Variants in PVT1 observed in about 807,000 individuals in gnomAD.
PVT1 encodes CXCR4/PVT1 fusion.
At chr8:127,982,016 G>A (rs757790650) in intron 3 of PVT1, among the ~76,000 whole-genome samples, 13 of 152,178 alleles carry the variant, frequency 8.5e-5, no homozygotes, top group Admixed American at 3.9e-4. Context: ...AGTCTCTGGC[G>A]CTAGACTTCC....
intron 4 of PVT1, among the ~76,000 whole-genome samples, chr8:128,047,851 C>T (rs1813638686): frequency 1.3e-5 from 2 of 152,090 alleles, no homozygotes; most frequent in African/African-American, 2.4e-5. Flanking sequence ...CAAAACTTCA[C>T]ATCATATATT....
chr8:127,852,539 G>A (rs1273623269), intron 2 of PVT1, among the ~76,000 whole-genome samples: 2 of 152,200 alleles, frequency 1.3e-5, no homozygotes, highest in Admixed American at 1.3e-4. Flanking sequence ...GCATCCTCTT[G>A]TGTGAAATAG....
chr8:127,847,716 C>T (rs934316754), intron 2 of PVT1, among the ~76,000 whole-genome samples: 1 of 151,820 alleles, frequency 6.6e-6, no homozygotes, highest in Non-Finnish European at 1.5e-5. Context: ...CAATGTGGAG[C>T]GGGGAGTATG....
intron 2 of PVT1, among the ~76,000 whole-genome samples, chr8:127,884,778 A>T (rs997097926): frequency 7.9e-5 from 12 of 152,238 alleles, no homozygotes; most frequent in African/African-American, 2.9e-4. Context: ...CCGGTGTACA[A>T]TGCCACACAT....
At chr8:127,932,586 T>C (rs765168854) in intron 3 of PVT1, 6 of 398,604 alleles carry the variant, frequency 1.5e-5, no homozygotes, top group South Asian at 1.3e-4. Flanking sequence ...TGGACTCCCA[T>C]TGAACTCTGT....
intron 2 of PVT1, among the ~76,000 whole-genome samples, chr8:127,828,713 G>A (rs1245500144): frequency 1.3e-5 from 2 of 152,042 alleles, no homozygotes; most frequent in South Asian, 2.1e-4. Context: ...CAGTGAATCC[G>A]TGAAAGGATG....
chr8:128,009,491 T>C (rs1362607716), intron 4 of PVT1: 1 of 152,600 alleles, frequency 6.6e-6, no homozygotes, highest in Non-Finnish European at 1.5e-5. Flanking sequence ...TTTTTTTTTT[T>C]CTGTCTAAAG....
chr8:127,959,979 G>C (rs1388126331), intron 3 of PVT1, among the ~76,000 whole-genome samples: 1 of 152,158 alleles, frequency 6.6e-6, no homozygotes, highest in Non-Finnish European at 1.5e-5. Flanking sequence ...ACTTACTTCT[G>C]GCCTTCCCCG....
At chr8:127,963,361 C>T (rs1210560099) in intron 3 of PVT1, among the ~76,000 whole-genome samples, 2 of 152,174 alleles carry the variant, frequency 1.3e-5, no homozygotes, top group African/African-American at 4.8e-5. Flanking sequence ...CAGTGTCTGA[C>T]ACCTGGTGAG....
chr8:127,815,150 A>G (rs1193585280), intron 2 of PVT1, among the ~76,000 whole-genome samples: 2 of 152,048 alleles, frequency 1.3e-5, no homozygotes, highest in African/African-American at 4.8e-5. Flanking sequence ...ATTTTTTAGT[A>G]GAGACGGGGC....
intron 2 of PVT1, among the ~76,000 whole-genome samples, chr8:127,810,377 A>G (rs1395026162): frequency 6.6e-6 from 1 of 152,244 alleles, no homozygotes; most frequent in Non-Finnish European, 1.5e-5. Context: ...AGATCCTGAA[A>G]GGCAACCACT....
chr8:127,938,378 G>A (rs1260385842), intron 3 of PVT1, among the ~76,000 whole-genome samples: 4 of 152,158 alleles, frequency 2.6e-5, no homozygotes, highest in Admixed American at 2.6e-4. Context: ...CAGAGATGAG[G>A]CTTACTCATC....
intron 5 of PVT1, among the ~76,000 whole-genome samples, chr8:128,071,722 A>AT (rs1813997382): frequency 6.8e-6 from 1 of 147,506 alleles, no homozygotes. Context: ...AAATAAATAA[A>AT]AATAAAAGAA....
chr8:128,004,957 A>C (rs1817228391), intron 4 of PVT1, among the ~76,000 whole-genome samples: 1 of 152,162 alleles, frequency 6.6e-6, no homozygotes, highest in Non-Finnish European at 1.5e-5. Flanking sequence ...CCTGACTAAC[A>C]TGGAGAAACC....
intron 4 of PVT1, among the ~76,000 whole-genome samples, chr8:128,024,973 A>G (rs1817476658): frequency 6.6e-6 from 1 of 152,250 alleles, no homozygotes; most frequent in Admixed American, 6.5e-5. Flanking sequence ...TGTTGGGATT[A>G]CAGGCGTGAG....
At chr8:127,943,107 G>A (rs555433953) in intron 3 of PVT1, among the ~76,000 whole-genome samples, 198 of 152,252 alleles carry the variant, frequency 1.3e-3, no homozygotes, top group Non-Finnish European at 1.4e-3. Flanking sequence ...GGACCATCTC[G>A]TGACTCAGTA....
intron 3 of PVT1, among the ~76,000 whole-genome samples, chr8:127,924,182 C>G (rs932534255): frequency 6.6e-6 from 1 of 152,188 alleles, no homozygotes; most frequent in African/African-American, 2.4e-5. Context: ...TTTGCGTTTT[C>G]ATACAGTGGC....
At chr8:127,984,837 TTTTCTTTCTTTCTTTC>T (rs71300287) in intron 3 of PVT1, among the ~76,000 whole-genome samples, 4,644 of 80,688 alleles carry the variant, frequency 0.058, 272 homozygotes, top group Middle Eastern at 0.1. Context: ...CTTTCTTTTC[TTTTCTTTCTTTCTTTC>T]TTTCTTTCTT....
intron 3 of PVT1, among the ~76,000 whole-genome samples, chr8:127,940,771 T>C (rs1353594904): frequency 6.6e-6 from 1 of 151,942 alleles, no homozygotes; most frequent in Non-Finnish European, 1.5e-5. Context: ...TGGCTAATTT[T>C]TTGTATTTTT....
Sources: allele counts gnomAD v4.1 joint callset (sites outside exome capture counted in the v4.1 genomes callset), GRCh38; gene constraint gnomAD v4.1.1; transcripts MANE v1.5; gene names NCBI Gene and HGNC (gene_info 2026-07-23, HGNC 2026-07-21).